Variants in FAM178B observed in about 807,000 individuals in gnomAD.
FAM178B encodes family with sequence similarity 178 member B.
A neutral mutation model predicts 91.7 loss-of-function variants in FAM178B; 82 were observed. The observed-to-expected ratio is 0.89, with a 90% CI of 0.75 to 1.07. The LOEUF is 1.07. FAM178B is among the 50% of genes least tolerant of loss of function. The pLI, the probability that FAM178B is intolerant of heterozygous loss-of-function variation, is 0.00. For synonymous variants in FAM178B, 368 were observed against 359.4 expected, an observed-to-expected ratio of 1.02 and a Z score of -0.27; for missense variants, 769 against 846.7, an observed-to-expected ratio of 0.91 and a Z score of 1.14.
chr2:96,919,113 G>A (rs776725595), intron 12 of FAM178B, among the ~76,000 whole-genome samples: 1 of 152,168 alleles, frequency 6.6e-6, no homozygotes, highest in African/African-American at 2.4e-5. Flanking sequence ...GGTGTCTGAG[G>A]GGTTCTGGAC....
chr2:96,888,608 G>A lies in FAM178B; in HGVS notation c.1776+5318C>T, dbSNP rs116226781. On this transcript the variant is annotated intron_variant, in intron 14 of 16. Coordinates refer to ENST00000490605, the MANE Select transcript of FAM178B (RefSeq NM_001122646.3). ...TTTCTCCACAACCTCCCATTAAGGCGGCCCTTGGCAGGGTCACCCAGCACA... is the reference window on the plus strand; with the variant it reads ...TTTCTCCACAACCTCCCATTAAGGCAGCCCTTGGCAGGGTCACCCAGCACA... Among the ~76,000 whole-genome samples, 179 of 152,304 alleles carry A rather than the reference G, an allele frequency of 1.2e-3. 1 individual carries two copies. The highest frequency in any genetic ancestry group is 4.0e-3 in the African/African-American group (166 of 41,562).
At chr2:96,970,287 G>A (rs945976410) in intron 4 of FAM178B, among the ~76,000 whole-genome samples, 2 of 152,218 alleles carry the variant, frequency 1.3e-5, no homozygotes, top group Non-Finnish European at 2.9e-5. Flanking sequence ...TGGGCAACGC[G>A]TGCCTGCACA....
chr2:96,939,633 A>G (rs915692963), intron 8 of FAM178B, among the ~76,000 whole-genome samples: 1 of 152,198 alleles, frequency 6.6e-6, no homozygotes, highest in African/African-American at 2.4e-5. Flanking sequence ...AAGATGGAAG[A>G]AAAGAAATGC....
At chr2:96,930,695 C>T (rs1229046011) in intron 8 of FAM178B, among the ~76,000 whole-genome samples, 1 of 152,176 alleles carries the variant, frequency 6.6e-6, no homozygotes, top group Non-Finnish European at 1.5e-5. Flanking sequence ...TAAGAGGGTG[C>T]TATGTTCTGA....
At chr2:96,954,993 T>C (rs888509628) in intron 6 of FAM178B, among the ~76,000 whole-genome samples, 6 of 152,070 alleles carry the variant, frequency 3.9e-5, no homozygotes, top group Non-Finnish European at 8.8e-5. Flanking sequence ...GAGGCTGCAG[T>C]GAGCTGTGAT....
At chr2:96,985,598 C>T (rs961989107) in intron 1 of FAM178B, among the ~76,000 whole-genome samples, 3 of 152,200 alleles carry the variant, frequency 2.0e-5, no homozygotes, top group African/African-American at 7.2e-5. Context: ...TACGGAATCC[C>T]AAGTGCTTTG....
intron 4 of FAM178B, among the ~76,000 whole-genome samples, chr2:96,968,193 TG>T (rs1319741408): frequency 6.6e-6 from 1 of 152,044 alleles, no homozygotes. Context: ...GACACGTGCA[TG>T]GCCTGACTCT....
At chr2:96,880,759 G>T (rs1353855139) in intron 14 of FAM178B, among the ~76,000 whole-genome samples, 4 of 152,058 alleles carry the variant, frequency 2.6e-5, no homozygotes, top group African/African-American at 2.4e-5. Flanking sequence ...CGTGCCCGGA[G>T]AATTTTTTGT....
intron 12 of FAM178B, among the ~76,000 whole-genome samples, chr2:96,909,148 A>AAAAAAG (rs1559066688): frequency 8.5e-6 from 1 of 117,068 alleles, no homozygotes; most frequent in African/African-American, 3.1e-5. Context: ...GTCTCAAAAA[A>AAAAAAG]AAAAAAAAAA....
chr2:96,960,748 C>A (rs115422148), intron 5 of FAM178B, among the ~76,000 whole-genome samples: 2 of 152,160 alleles, frequency 1.3e-5, no homozygotes, highest in African/African-American at 4.8e-5. Flanking sequence ...ATGCCAGGTA[C>A]GGAGGGTGAG....
chr2:96,937,023 A>G lies in FAM178B; in HGVS notation c.1079-7703T>C, dbSNP rs914103878. 4.4e-5 allele frequency among the ~76,000 whole-genome samples: 6 copies of G among 136,122 alleles called. No homozygotes were observed. In the South Asian group the frequency reaches 1.3e-3, roughly 29 times the overall value. 89.3% of individuals were successfully genotyped at this position (136,122 alleles called of 152,430 possible). On this transcript the variant is annotated intron_variant, in intron 8 of 16. Coordinates refer to ENST00000490605, the MANE Select transcript of FAM178B (RefSeq NM_001122646.3). Reference sequence around the variant, plus strand: ...TGCCTCAGCCTCCAGAGTAGCCAGGACTACAGGCACACACCACAATGCCCA... The same window carrying G: ...TGCCTCAGCCTCCAGAGTAGCCAGGGCTACAGGCACACACCACAATGCCCA...
At position 96,971,942 on chromosome 2, in the gene FAM178B, A is replaced by G. The variant is rs1559104698; in HGVS notation, c.523T>C (p.Trp175Arg). 2.6e-6 allele frequency: 4 copies of G among 1,541,992 alleles called. No individual in the cohort carries two copies. ...RGLALPEKLFWNTSGLSQQAA... is the reference protein window; with the variant it reads ...RGLALPEKLFRNTSGLSQQAA... ...TGCTGGCTCAGGCCTGACGTGTTCCAGAACAGCTTCTCTGGCAAGGCCAGG... is the reference window on the plus strand; with the variant it reads ...TGCTGGCTCAGGCCTGACGTGTTCCGGAACAGCTTCTCTGGCAAGGCCAGG... Residue 175 changes from tryptophan (W) to arginine (R), a missense_variant, in exon 3 of 17, where the codon TGG becomes CGG. Trp to Arg is a moderately radical substitution (Grantham distance 101). Coordinates refer to ENST00000490605, the MANE Select transcript of FAM178B (RefSeq NM_001122646.3).
intron 9 of FAM178B, among the ~76,000 whole-genome samples, 193 bp from the exon 10 acceptor site, chr2:96,923,776 G>A (rs1406882676): frequency 6.6e-6 from 1 of 152,220 alleles, no homozygotes; most frequent in Non-Finnish European, 1.5e-5. Flanking sequence ...GTCCTGGCTC[G>A]GGGGTCTCTC....
intron 12 of FAM178B, among the ~76,000 whole-genome samples, chr2:96,907,886 G>A (rs1033448522): frequency 1.3e-5 from 2 of 152,240 alleles, no homozygotes; most frequent in African/African-American, 4.8e-5. Context: ...AGGCTGTCAG[G>A]CACCTGGCCA....
intron 9 of FAM178B, among the ~76,000 whole-genome samples, chr2:96,923,920 G>A (rs977861313): frequency 2.0e-4 from 30 of 152,248 alleles, no homozygotes; most frequent in African/African-American, 6.8e-4. Context: ...TCTCCACATG[G>A]CCGCTGGTTC....
chr2:96,970,214 G>A (rs1240371182), intron 4 of FAM178B, among the ~76,000 whole-genome samples: 1 of 152,182 alleles, frequency 6.6e-6, no homozygotes, highest in Non-Finnish European at 1.5e-5. Context: ...GACAGGGAGA[G>A]AGCTAGTTAG....
chr2:96,969,595 G>C (rs572937662), intron 4 of FAM178B, among the ~76,000 whole-genome samples: 4 of 152,232 alleles, frequency 2.6e-5, no homozygotes, highest in Admixed American at 2.6e-4. Context: ...GTCACGAGGA[G>C]GCCCCAGCTG....
intron 1 of FAM178B, among the ~76,000 whole-genome samples, chr2:96,983,284 C>T (rs1259679841): frequency 1.3e-5 from 2 of 152,134 alleles, no homozygotes; most frequent in African/African-American, 4.8e-5. Flanking sequence ...CATATACATA[C>T]ATATGGTAAC....
intron 6 of FAM178B, among the ~76,000 whole-genome samples, chr2:96,959,190 C>T (rs2082045271): frequency 8.5e-6 from 1 of 117,046 alleles, no homozygotes; most frequent in African/African-American, 3.2e-5. Context: ...CAGAGCGAGA[C>T]TCAGTTTTGA....
Sources: allele counts gnomAD v4.1 joint callset (sites outside exome capture counted in the v4.1 genomes callset), GRCh38; gene constraint gnomAD v4.1.1; transcripts MANE v1.5; gene names NCBI Gene and HGNC (gene_info 2026-07-23, HGNC 2026-07-21).